Variants in PCDHA10 observed in about 807,000 individuals in gnomAD.
The protein encoded by PCDHA10 is protocadherin alpha 10.
Under a neutral mutation model 61.2 loss-of-function variants are expected in PCDHA10, and 45 were observed. That is an observed-to-expected ratio of 0.74 (90% CI 0.58 to 0.94). The LOEUF (loss-of-function observed/expected upper bound fraction) is 0.94. Among genes scored for constraint, PCDHA10 ranks in the 40% least tolerant of loss-of-function variants. The probability of loss-of-function intolerance (pLI) is 0.00; values close to 1 mark genes in which losing one functional copy is unlikely to be tolerated. For synonymous variants in PCDHA10, 602 were observed against 548.8 expected (o/e 1.10, Z -1.35); for missense variants, 1,278 against 1,236.2 (o/e 1.03, Z -0.51).
At chr5:140,899,964 T>A (rs543512832) in intron 1 of PCDHA10, among the ~76,000 whole-genome samples, 3 of 151,824 alleles carry the variant, frequency 2.0e-5, no homozygotes, top group African/African-American at 7.3e-5. Flanking sequence ...TGTGCTGCCA[T>A]GCCCAGCTAC....
chr5:140,864,709 T>C (rs2048574243), intron 1 of PCDHA10: 1 of 152,268 alleles, frequency 6.6e-6, no homozygotes, highest in South Asian at 2.1e-4. Flanking sequence ...TGTTGAGCTC[T>C]TCTACTATTT....
At chr5:140,874,492 C>G (rs1289000541) in intron 1 of PCDHA10, among the ~76,000 whole-genome samples, 2 of 152,196 alleles carry the variant, frequency 1.3e-5, no homozygotes, top group Non-Finnish European at 2.9e-5. Context: ...AGGTTGATAT[C>G]AAGTTCACAT....
intron 1 of PCDHA10, chr5:140,967,968 G>A: frequency 3.1e-6 from 5 of 1,614,218 alleles, no homozygotes; most frequent in Non-Finnish European, 4.2e-6. Flanking sequence ...CGGAAAGTGA[G>A]CCTGGGTCTG....
At chr5:140,985,532 G>T (rs1358120172) in intron 3 of PCDHA10, among the ~76,000 whole-genome samples, 1 of 152,072 alleles carries the variant, frequency 6.6e-6, no homozygotes, top group Non-Finnish European at 1.5e-5. Context: ...AAAGCTTCAC[G>T]GTGAAGATGC....
intron 1 of PCDHA10, chr5:140,967,846 C>A: frequency 6.2e-7 from 1 of 1,614,166 alleles, no homozygotes; most frequent in Non-Finnish European, 8.5e-7. Context: ...ACGTGAATGA[C>A]AATGCCCCAG....
At chr5:140,875,278 T>A in intron 1 of PCDHA10, 1 of 1,326,774 alleles carries the variant, frequency 7.5e-7, no homozygotes, top group Non-Finnish European at 9.9e-7. Context: ...ACTCAGAAGG[T>A]GAAACAGGAA....
At chr5:140,912,116 C>G (rs2075772929) in intron 1 of PCDHA10, among the ~76,000 whole-genome samples, 1 of 152,188 alleles carries the variant, frequency 6.6e-6, no homozygotes, top group Non-Finnish European at 1.5e-5. Context: ...GGCTGGGAGG[C>G]TAAGTCAGTC....
At chr5:140,925,108 G>GAAGGAA (rs2082318586) in intron 1 of PCDHA10, among the ~76,000 whole-genome samples, 1 of 124,702 alleles carries the variant, frequency 8.0e-6, no homozygotes, top group African/African-American at 3.3e-5. Context: ...GAAGGAAGGA[G>GAAGGAA]GGAAGGAAGG....
chr5:140,958,495 C>T (rs559117374), intron 1 of PCDHA10, among the ~76,000 whole-genome samples: 1 of 152,138 alleles, frequency 6.6e-6, no homozygotes, highest in African/African-American at 2.4e-5. Context: ...TCCACATATC[C>T]TAGGAGGCAT....
chr5:141,002,336 C>A (rs1236741058), intron 3 of PCDHA10, among the ~76,000 whole-genome samples: 3 of 152,084 alleles, frequency 2.0e-5, no homozygotes, highest in Non-Finnish European at 2.9e-5. Flanking sequence ...TGCATCCGCA[C>A]CCCTTCCCCC....
chr5:140,964,252 T>G (rs569615423), intron 1 of PCDHA10, among the ~76,000 whole-genome samples: 6 of 152,332 alleles, frequency 3.9e-5, no homozygotes, highest in African/African-American at 1.2e-4. Flanking sequence ...GGCTTTATAT[T>G]TGACTCCTTA....
chr5:140,876,062 G>C, intron 1 of PCDHA10: 1 of 1,613,842 alleles, frequency 6.2e-7, no homozygotes, highest in South Asian at 1.1e-5. Flanking sequence ...TTAGTTCTTC[G>C]GAAGTTATTG....
chr5:140,881,318 C>G (rs970806128), intron 1 of PCDHA10: 20 of 977,252 alleles, frequency 2.0e-5, no homozygotes, highest in East Asian at 2.3e-4. Context: ...TGGTTAAATT[C>G]TATTTAACCA....
In PCDHA10 at chr5:140,858,410, T is replaced by C; in HGVS notation, c.2362T>C (p.Ser788Pro). ...PMVDVDGEDQ[S>P]IGGDHSRKPR... is the part of the protein sequence containing the mutation. ...GGTAGATGTGGACGGGGAAGATCAG[T>C]CTATTGGAGGGGACCACTCTAGGAA... Residue 788 changes from serine to proline, a missense_variant, in exon 1 of 4, where the codon TCT becomes CCT. Transcript: ENST00000307360. 7.7e-6 allele frequency: 12 copies of C among 1,565,560 alleles called. 2 individuals are homozygous for C. The highest frequency in any genetic ancestry group is 1.0e-5 in the Non-Finnish European group (12 of 1,147,708).
At position 140,947,028 on chromosome 5, in the gene PCDHA10, T is replaced by C. The variant is rs111523441; in HGVS notation, c.2389-31921T>C. Among the ~76,000 whole-genome samples the C allele has an allele frequency of 4.6e-3, 693 of 151,852 alleles. 1 individual carries two copies. Among genetic ancestry groups the C allele is most frequent in the Middle Eastern group, 6.8e-3 (2 of 294 alleles). ...AATGATAAATGTTTGAGGTAATGGA[T>C]ATACTAATTACCCTGATTTGATCAT... On this transcript the variant is annotated intron_variant, in intron 1 of 3. Transcript: ENST00000307360.
intron 1 of PCDHA10, among the ~76,000 whole-genome samples, chr5:140,978,200 C>T (rs2096792236): frequency 6.6e-6 from 1 of 152,220 alleles, no homozygotes. Context: ...TTTCAATACA[C>T]AACTAATGCA....
intron 3 of PCDHA10, among the ~76,000 whole-genome samples, chr5:141,005,701 CAAAA>C (rs59860837): frequency 2.6e-4 from 2 of 7,790 alleles, no homozygotes; most frequent in African/African-American, 4.7e-4. Flanking sequence ...AACTCCGTCT[CAAAA>C]AAAAAAAAAA....
At chr5:140,868,805 C>A in intron 1 of PCDHA10, 2 of 356,420 alleles carry the variant, frequency 5.6e-6, no homozygotes, top group Non-Finnish European at 5.0e-6. Context: ...TAAATAAGCA[C>A]GTTGGAAATA....
intron 1 of PCDHA10, chr5:140,877,919 T>A: frequency 7.0e-7 from 1 of 1,423,998 alleles, no homozygotes; most frequent in South Asian, 1.6e-5. Flanking sequence ...CTCTCATTTT[T>A]CTTTATGATT....
Sources: gnomAD v4.1 joint callset for allele counts (sites outside exome capture counted in the v4.1 genomes callset) on GRCh38, gnomAD v4.1.1 for gene constraint, MANE v1.5 for transcripts, NCBI Gene and HGNC (gene_info 2026-07-23, HGNC 2026-07-21) for gene names.